Variants in MALRD1 observed in about 807,000 individuals in gnomAD.
The protein encoded by MALRD1 is MAM and LDL-receptor class A domain-containing protein 1.
In MALRD1, 247 loss-of-function variants were observed where a neutral mutation model predicts 242.1. That is an observed-to-expected ratio of 1.02 (90% confidence interval 0.92 to 1.13). MALRD1 has a LOEUF of 1.13. Among genes scored for constraint, MALRD1 ranks in the 50% most tolerant of loss-of-function variants. MALRD1 has a pLI of 0.00. For synonymous variants in MALRD1, 995 were observed against 866.6 expected, an observed-to-expected ratio of 1.15 and a Z score of -2.60; for missense variants, 2,989 against 2,533.1, an observed-to-expected ratio of 1.18 and a Z score of -3.86.
At chr10:19,379,520 CTGT>C (rs1845750252) in intron 26 of MALRD1, among the ~76,000 whole-genome samples, 1 of 152,100 alleles carries the variant, frequency 6.6e-6, no homozygotes, top group African/African-American at 2.4e-5. Flanking sequence ...ACTATAACTA[CTGT>C]TGTTATTTCT....
intron 36 of MALRD1, among the ~76,000 whole-genome samples, chr10:19,639,820 C>T (rs1840304489): frequency 6.6e-6 from 1 of 152,154 alleles, no homozygotes; most frequent in African/African-American, 2.4e-5. Context: ...TAGTTTCAGT[C>T]ACCATTAATT....
chr10:19,384,243 T>A (rs868642092), intron 26 of MALRD1, among the ~76,000 whole-genome samples: 7 of 142,876 alleles, frequency 4.9e-5, no homozygotes, highest in Non-Finnish European at 1.1e-4. Flanking sequence ...TTGTAAGAGT[T>A]TATATATATA....
chr10:19,566,413 ACAGG>A (rs1802443325), intron 32 of MALRD1, among the ~76,000 whole-genome samples: 1 of 148,818 alleles, frequency 6.7e-6, no homozygotes, highest in African/African-American at 2.5e-5. Context: ...TGCTGGGATT[ACAGG>A]CGTGAGCCAC....
chr10:19,108,387 CTTTTTTTTTTTTTTTTTTT>C (rs35948766), intron 5 of MALRD1, among the ~76,000 whole-genome samples: 2 of 19,764 alleles, frequency 1.0e-4, no homozygotes, highest in Non-Finnish European at 1.6e-4. Context: ...ATTGTTTTTT[CTTTTTTTTTTTTTTTTTTT>C]TTTTTTTTTT....
At chr10:19,635,337 G>A (rs1333286794) in intron 36 of MALRD1, among the ~76,000 whole-genome samples, 1 of 152,164 alleles carries the variant, frequency 6.6e-6, no homozygotes, top group African/African-American at 2.4e-5. Context: ...AACTGAAAAT[G>A]TGTTTATGTA....
At chr10:19,682,901 A>G (rs545242969) in intron 36 of MALRD1, among the ~76,000 whole-genome samples, 2 of 152,272 alleles carry the variant, frequency 1.3e-5, no homozygotes, top group South Asian at 4.2e-4. Context: ...GGCATGGGGA[A>G]AAGTCATGTA....
intron 33 of MALRD1, among the ~76,000 whole-genome samples, chr10:19,576,309 C>T (rs1361393578): frequency 6.6e-6 from 1 of 152,198 alleles, no homozygotes; most frequent in Non-Finnish European, 1.5e-5. Flanking sequence ...TATTTCCACA[C>T]TTCAAAGTCA....
chr10:19,645,358 A>C lies in MALRD1; in HGVS notation c.6137+29435A>C, dbSNP rs546332278. On this transcript the variant is annotated intron_variant, in intron 36 of 39. Coordinates refer to ENST00000454679, the MANE Select transcript of MALRD1 (RefSeq NM_001142308.3). ...GTCTAGAACTAGAAATACCATTTGA[A>C]CCAGCGATCCCATTACTGGGTATAT... is the stretch of plus-strand genomic sequence containing the variant. Among the ~76,000 whole-genome samples, 1,409 of 152,278 alleles carry C rather than the reference A, an allele frequency of 9.3e-3. 19 individuals carry two copies. The highest frequency in any genetic ancestry group is 0.032 in the African/African-American group (1,317 of 41,546).
intron 13 of MALRD1, among the ~76,000 whole-genome samples, chr10:19,174,314 A>T (rs1440518975): frequency 2.0e-5 from 3 of 152,182 alleles, no homozygotes; most frequent in Non-Finnish European, 4.4e-5. Flanking sequence ...GGGAAGGCAG[A>T]GAGGGACTCC....
chr10:19,158,729 A>C lies in MALRD1; in HGVS notation c.1656+3557A>C, dbSNP rs940803607. On this transcript the variant is annotated intron_variant, in intron 12 of 39. Coordinates refer to ENST00000454679, the MANE Select transcript of MALRD1 (RefSeq NM_001142308.3). ...CTAAACACATGCTTGCTCTAACAAA[A>C]TGTTGTTTAGTGGGGGATACTGACA... is the stretch of plus-strand genomic sequence containing the variant. Among the ~76,000 whole-genome samples, 3 of 152,164 alleles carry C rather than the reference A, an allele frequency of 2.0e-5. No homozygotes were observed. In the East Asian group the frequency reaches 5.8e-4, roughly 29 times the overall value.
chr10:19,471,041 T>A (rs1196418082), intron 29 of MALRD1, among the ~76,000 whole-genome samples: 1 of 151,962 alleles, frequency 6.6e-6, no homozygotes, highest in African/African-American at 2.4e-5. Flanking sequence ...AATTTTCCCC[T>A]ATCTTTTTTT....
At chr10:19,112,974 T>A (rs922989289) in intron 5 of MALRD1, among the ~76,000 whole-genome samples, 2 of 152,196 alleles carry the variant, frequency 1.3e-5, no homozygotes, top group African/African-American at 4.8e-5. Flanking sequence ...TTATATCAAT[T>A]TGGCTAAAAA....
chr10:19,446,088 G>T (rs574406747), intron 28 of MALRD1, among the ~76,000 whole-genome samples: 30 of 152,292 alleles, frequency 2.0e-4, no homozygotes, highest in African/African-American at 4.8e-4. Flanking sequence ...CTCCGAGCCA[G>T]GCGTGGGATA....
intron 38 of MALRD1, among the ~76,000 whole-genome samples, chr10:19,695,712 C>G (rs1320209913): frequency 6.6e-6 from 1 of 151,802 alleles, no homozygotes; most frequent in African/African-American, 2.4e-5. Context: ...TTTTAGTAGA[C>G]ACAGGGTTTC....
intron 29 of MALRD1, among the ~76,000 whole-genome samples, chr10:19,477,592 C>G (rs1054203564): frequency 6.6e-6 from 1 of 152,076 alleles, no homozygotes; most frequent in Non-Finnish European, 1.5e-5. Context: ...TGCAGACACA[C>G]AAGAAGTGAG....
chr10:19,216,109 TTCTTTCTTTC>T (rs1435782114), intron 18 of MALRD1, among the ~76,000 whole-genome samples: 24 of 122,034 alleles, frequency 2.0e-4, no homozygotes, highest in Non-Finnish European at 3.3e-4. Context: ...CTTTCTTTCT[TTCTTTCTTTC>T]TTTTTTTTTT....
At chr10:19,654,397 T>C (rs1406188223) in intron 36 of MALRD1, among the ~76,000 whole-genome samples, 2 of 152,166 alleles carry the variant, frequency 1.3e-5, no homozygotes, top group African/African-American at 4.8e-5. Context: ...ATTTTTTCAG[T>C]GTTTTGATGA....
intron 31 of MALRD1, among the ~76,000 whole-genome samples, chr10:19,515,328 A>G (rs1564405470): frequency 6.6e-6 from 1 of 152,172 alleles, no homozygotes; most frequent in Non-Finnish European, 1.5e-5. Context: ...TAGATTGGCA[A>G]ATCTATGAAT....
chr10:19,061,176 C>T (rs1444707685), intron 1 of MALRD1, among the ~76,000 whole-genome samples: 2 of 152,058 alleles, frequency 1.3e-5, no homozygotes, highest in African/African-American at 4.8e-5. Context: ...GGATGCTGGG[C>T]TTAATACCTA....
Sources: allele counts gnomAD v4.1 joint callset (sites outside exome capture counted in the v4.1 genomes callset), GRCh38; gene constraint gnomAD v4.1.1; transcripts MANE v1.5; gene names NCBI Gene and HGNC (gene_info 2026-07-23, HGNC 2026-07-21).